Variants in KLRG1 observed in about 807,000 individuals in gnomAD.
KLRG1 encodes killer cell lectin-like receptor subfamily G member 1.
Under a neutral mutation model 21.8 loss-of-function variants are expected in KLRG1, and 16 were observed. The observed-to-expected ratio is 0.73, with a 90% confidence interval of 0.50 to 1.11. KLRG1 has a LOEUF of 1.11. KLRG1 is among the 50% of genes most tolerant of loss of function. KLRG1 has a pLI of 0.00. For synonymous variants in KLRG1, 69 were observed against 75.9 expected, an observed-to-expected ratio of 0.91 and a Z score of 0.47; for missense variants, 173 against 218.3, an observed-to-expected ratio of 0.79 and a Z score of 1.31.
At chr12:9,073,233 C>G in the KLRG1 span, among the ~76,000 whole-genome samples, 1 of 152,240 alleles carries the variant, frequency 6.6e-6, no homozygotes, top group Admixed American at 6.5e-5. Flanking sequence ...TCTGCCACCA[C>G]TCAAGCAAAG....
chr12:9,053,085 G>A, the KLRG1 span, among the ~76,000 whole-genome samples: 4 of 152,176 alleles, frequency 2.6e-5, no homozygotes, highest in Non-Finnish European at 5.9e-5. Flanking sequence ...CCCCATGTCT[G>A]TGTGGGTTTC....
chr12:9,137,428 T>C, the KLRG1 span, among the ~76,000 whole-genome samples: 1 of 152,090 alleles, frequency 6.6e-6, no homozygotes, highest in Admixed American at 6.5e-5. Flanking sequence ...ATTACTGTGG[T>C]TTTGTACTAA....
chr12:9,159,943 G>C, the KLRG1 span: 1 of 1,610,044 alleles, frequency 6.2e-7, no homozygotes, highest in Non-Finnish European at 8.5e-7. Flanking sequence ...CTTACCAAGT[G>C]TTGCCCTGGT....
At chr12:9,072,283 TTTAC>T in the KLRG1 span, 2,667 of 1,533,948 alleles carry the variant, frequency 1.7e-3, 67 homozygotes, top group Admixed American at 0.044. Context: ...GTTGCACTGC[TTTAC>T]TTAAAGAGGA....
chr12:9,196,342 G>T, the KLRG1 span: 2 of 1,608,622 alleles, frequency 1.2e-6, no homozygotes, highest in South Asian at 2.2e-5. Context: ...GTGCAAAAAA[G>T]GGGATTCCTT....
the KLRG1 span, chr12:9,156,031 C>A: frequency 5.4e-6 from 1 of 185,864 alleles, no homozygotes; most frequent in South Asian, 1.2e-4. Context: ...TGGCTAAGAT[C>A]AAATGAAGAA....
chr12:8,955,924 CCAAT>C (rs1320515658), intron 1 of KLRG1, among the ~76,000 whole-genome samples: 1 of 152,016 alleles, frequency 6.6e-6, no homozygotes, highest in African/African-American at 2.4e-5. Context: ...TGCCTTTTAG[CCAAT>C]CAAATGGTGC....
downstream of KLRG1, among the ~76,000 whole-genome samples, chr12:9,012,310 G>A (rs1592286938): frequency 6.6e-6 from 1 of 152,160 alleles, no homozygotes; most frequent in Non-Finnish European, 1.5e-5. Flanking sequence ...GCACCACCAC[G>A]CAGAGTCCTA....
chr12:9,095,667 C>T, the KLRG1 span: 2 of 1,611,658 alleles, frequency 1.2e-6, no homozygotes, highest in African/African-American at 1.3e-5. Context: ...CCAGGGAAGC[C>T]AGTGAGGTCC....
chr12:9,092,875 G>A, the KLRG1 span, among the ~76,000 whole-genome samples: 1,564 of 152,308 alleles, frequency 0.01, 22 homozygotes, highest in African/African-American at 0.034. Context: ...GTGTCTGGGT[G>A]AATGGATAAA....
rs760713133 is a variant in KLRG1, at chr12:8,992,291, C to T, written c.168C>T (p.Tyr56=). 27 of 1,612,104 alleles carry T rather than the reference C, an allele frequency of 1.7e-5. No homozygotes were observed. Among genetic ancestry groups the T allele is most frequent in the Non-Finnish European group, 2.2e-5 (26 of 1,179,062 alleles). Residue 56 remains tyrosine (Y), a synonymous_variant, in exon 2 of 5, where the codon TAC becomes TAT. Coordinates refer to ENST00000356986, the MANE Select transcript of KLRG1 (RefSeq NM_005810.4). ...LTAVLLSVLL[Y]QWILCQGSNY... ...CAGTTCTTCTGAGTGTGCTGCTATA[C>T]CAGTGGATCCTGTGCCAGGGTAAGT...
chr12:9,197,708 TACA>T, the KLRG1 span, among the ~76,000 whole-genome samples: 1 of 89,042 alleles, frequency 1.1e-5, no homozygotes, highest in Non-Finnish European at 2.0e-5. Context: ...TTATATATTA[TACA>T]ATACATAATA....
At chr12:9,075,573 ATAGTGTTGAACT>A in the KLRG1 span, among the ~76,000 whole-genome samples, 3,677 of 152,336 alleles carry the variant, frequency 0.024, 138 homozygotes, top group African/African-American at 0.083. Flanking sequence ...CTTCATCAAC[ATAGTGTTGAACT>A]TAGAAAATAA....
the KLRG1 span, chr12:9,169,562 G>A: frequency 1.9e-6 from 3 of 1,612,684 alleles, no homozygotes; most frequent in Admixed American, 3.3e-5. Context: ...GAAAATTGGT[G>A]AGATCCTTCA....
chr12:9,023,594 A>G, the KLRG1 span, among the ~76,000 whole-genome samples: 157 of 150,746 alleles, frequency 1.0e-3, 1 homozygote, highest in African/African-American at 3.6e-3. Flanking sequence ...GTCTTGCTCT[A>G]TCACCCAGGC....
the KLRG1 span, among the ~76,000 whole-genome samples, chr12:9,105,407 T>G: frequency 2.6e-5 from 4 of 152,370 alleles, no homozygotes; most frequent in South Asian, 8.3e-4. Flanking sequence ...TTTAGGAAGT[T>G]GAATACATTT....
At chr12:9,064,308 G>C in the KLRG1 span, 1 of 153,132 alleles carries the variant, frequency 6.5e-6, no homozygotes, top group Non-Finnish European at 1.5e-5. This position sits in a 1 kb window ranked among gnomAD's most constrained non-coding sequence, Gnocchi z 4.0. Flanking sequence ...GGGGCGTCCA[G>C]AGCTGCCGCT....
chr12:9,131,832 T>A, the KLRG1 span, among the ~76,000 whole-genome samples: 1 of 152,112 alleles, frequency 6.6e-6, no homozygotes, highest in African/African-American at 2.4e-5. Flanking sequence ...ACTCTTGAGT[T>A]GAATCTCACA....
At chr12:9,125,644 C>T in the KLRG1 span, among the ~76,000 whole-genome samples, 48 of 152,236 alleles carry the variant, frequency 3.2e-4, no homozygotes, top group African/African-American at 1.1e-3. Context: ...TAACGTATTC[C>T]TCTCCATGGA....
Sources: allele counts gnomAD v4.1 joint callset (sites outside exome capture counted in the v4.1 genomes callset), GRCh38; gene constraint gnomAD v4.1.1; non-coding constraint Gnocchi (gnomAD v3.1); transcripts MANE v1.5; gene names NCBI Gene and HGNC (gene_info 2026-07-23, HGNC 2026-07-21).